The following CRADD variants were observed in gnomAD, a reference collection of about 807,000 sequenced individuals.
The protein encoded by CRADD is death domain-containing protein CRADD.
A neutral mutation model predicts 15.5 loss-of-function variants in CRADD; 9 were observed. The observed-to-expected ratio is 0.58, with a 90% CI of 0.35 to 1.01. CRADD has a LOEUF of 1.01. Ranked by LOEUF, CRADD falls within the 50% of genes least tolerant of loss-of-function variation. CRADD has a pLI of 0.02. For synonymous variants in CRADD, 118 were observed against 107.6 expected (o/e 1.10, Z -0.60); for missense variants, 227 against 250.3 (o/e 0.91, Z 0.63).
intron 2 of CRADD, among the ~76,000 whole-genome samples, chr12:93,893,879 G>A (rs1201415922): frequency 1.3e-5 from 2 of 150,998 alleles, no homozygotes; most frequent in African/African-American, 2.4e-5. Context: ...CAGCCTGGGC[G>A]ACAGAGCAAG....
chr12:93,765,592 G>A (rs1015506875), intron 2 of CRADD, among the ~76,000 whole-genome samples: 3 of 152,132 alleles, frequency 2.0e-5, no homozygotes, highest in Non-Finnish European at 2.9e-5. Flanking sequence ...GGCATGAACC[G>A]GCTCCTGGGT....
At chr12:93,736,338 G>A (rs1956568467) in intron 2 of CRADD, among the ~76,000 whole-genome samples, 1 of 152,260 alleles carries the variant, frequency 6.6e-6, no homozygotes, top group South Asian at 2.1e-4. Flanking sequence ...TCCATGGTCA[G>A]CCTATTACTA....
intron 2 of CRADD, among the ~76,000 whole-genome samples, chr12:93,723,454 T>C (rs756326596): frequency 3.3e-5 from 5 of 152,180 alleles, no homozygotes. Context: ...ACCCAGGAAC[T>C]GACTCAGTAC....
intron 2 of CRADD, among the ~76,000 whole-genome samples, chr12:93,880,053 G>A (rs1015895249): frequency 2.6e-5 from 4 of 152,104 alleles, no homozygotes; most frequent in African/African-American, 9.7e-5. Flanking sequence ...ACAGGCTGGA[G>A]AATTATTTAT....
At chr12:93,748,339 C>T (rs1161102077) in intron 2 of CRADD, among the ~76,000 whole-genome samples, 14 of 152,110 alleles carry the variant, frequency 9.2e-5, no homozygotes, top group Non-Finnish European at 8.8e-5. Context: ...GAGTTTCACT[C>T]TTGTTGCCCA....
chr12:93,783,481 G>T (rs1448081670), intron 2 of CRADD, among the ~76,000 whole-genome samples: 1 of 151,998 alleles, frequency 6.6e-6, no homozygotes, highest in Non-Finnish European at 1.5e-5. Context: ...GATAGATCAA[G>T]TGGAGTAGCA....
intron 2 of CRADD, chr12:93,836,183 A>G (rs1287144624): frequency 6.6e-6 from 1 of 152,188 alleles, no homozygotes; most frequent in Non-Finnish European, 1.5e-5. Flanking sequence ...TGCTGAAATT[A>G]GAGGAGAAAA....
intron 2 of CRADD, among the ~76,000 whole-genome samples, chr12:93,794,328 G>A (rs1957387775): frequency 6.6e-6 from 1 of 151,986 alleles, no homozygotes; most frequent in Non-Finnish European, 1.5e-5. Flanking sequence ...AATCTGAGAG[G>A]CATCTCAAAT....
intron 2 of CRADD, among the ~76,000 whole-genome samples, chr12:93,771,094 T>A (rs1396021554): frequency 2.0e-5 from 3 of 152,250 alleles, no homozygotes; most frequent in Non-Finnish European, 4.4e-5. Context: ...AATTTATTAA[T>A]TAATCTCCTT....
intron 2 of CRADD, among the ~76,000 whole-genome samples, chr12:93,829,629 T>C (rs1037656862): frequency 6.6e-6 from 1 of 152,202 alleles, no homozygotes; most frequent in African/African-American, 2.4e-5. Flanking sequence ...CTCTGATGGA[T>C]GGGCTCTTTT....
chr12:93,771,242 C>T (rs1262659058), intron 2 of CRADD, among the ~76,000 whole-genome samples: 1 of 152,200 alleles, frequency 6.6e-6, no homozygotes, highest in Admixed American at 6.5e-5. Flanking sequence ...CTGGAACATA[C>T]AGCTTGCACC....
intron 2 of CRADD, among the ~76,000 whole-genome samples, chr12:93,848,220 T>A (rs568245168): frequency 6.6e-6 from 1 of 152,298 alleles, no homozygotes; most frequent in East Asian, 1.9e-4. Context: ...CAACTATTGA[T>A]CAGTAGTGTC....
At chr12:93,686,773 G>GA (rs1230231931) in intron 2 of CRADD, among the ~76,000 whole-genome samples, 2 of 152,162 alleles carry the variant, frequency 1.3e-5, no homozygotes, top group African/African-American at 4.8e-5. Flanking sequence ...TTATTACTGG[G>GA]ACTAGAATCC....
At chr12:93,835,065 C>G (rs1433294824) in intron 2 of CRADD, among the ~76,000 whole-genome samples, 2 of 152,206 alleles carry the variant, frequency 1.3e-5, no homozygotes, top group African/African-American at 4.8e-5. Context: ...TCACTGGCCC[C>G]CCCATTGGTA....
intron 2 of CRADD, among the ~76,000 whole-genome samples, chr12:93,868,686 GCACA>G (rs570970896): frequency 3.7e-4 from 53 of 142,890 alleles, no homozygotes; most frequent in South Asian, 2.3e-3. Context: ...TCTCTCTCTT[GCACA>G]CACACACACA....
chr12:93,692,039 T>G (rs189314384), intron 2 of CRADD, among the ~76,000 whole-genome samples: 1 of 152,186 alleles, frequency 6.6e-6, no homozygotes, highest in East Asian at 1.9e-4. Flanking sequence ...AGTCCAGGAC[T>G]TAAAGTAAAA....
intron 2 of CRADD, among the ~76,000 whole-genome samples, chr12:93,810,363 A>G (rs1006504549): frequency 2.6e-5 from 4 of 151,998 alleles, no homozygotes; most frequent in African/African-American, 7.3e-5. Context: ...AGCCTGACCA[A>G]CATGGAGAAG....
At chr12:93,722,414 A>G (rs575618823) in intron 2 of CRADD, among the ~76,000 whole-genome samples, 2 of 151,118 alleles carry the variant, frequency 1.3e-5, no homozygotes, top group Non-Finnish European at 3.0e-5. Flanking sequence ...CTCAGCCTAT[A>G]TTGTTTCGTA....
intron 2 of CRADD, among the ~76,000 whole-genome samples, chr12:93,844,071 A>G (rs1276236901): frequency 1.3e-5 from 2 of 152,170 alleles, no homozygotes; most frequent in African/African-American, 4.8e-5. Context: ...GTCATTCTAT[A>G]TCTGCATTTT....
Sources: allele counts gnomAD v4.1 joint callset (sites outside exome capture counted in the v4.1 genomes callset), GRCh38; gene constraint gnomAD v4.1.1; transcripts MANE v1.5; gene names NCBI Gene and HGNC (gene_info 2026-07-23, HGNC 2026-07-21).